Variants in SYNE2 observed in about 807,000 individuals in gnomAD.
SYNE2 encodes the protein spectrin repeat containing nuclear envelope protein 2.
In SYNE2, 431 loss-of-function variants were observed where a neutral mutation model predicts 856.3. That is an observed-to-expected ratio of 0.50 (90% CI 0.47 to 0.55). SYNE2 has a LOEUF of 0.55. SYNE2 is among the 20% of genes least tolerant of loss of function. The probability of loss-of-function intolerance (pLI) is 0.00; values close to 1 mark genes in which losing one functional copy is unlikely to be tolerated. For missense variants in SYNE2, 8,129 were observed against 8,023.2 expected (o/e 1.01, Z -0.50); for synonymous variants, 2,923 against 2,872.3 (o/e 1.02, Z -0.56).
At chr14:64,004,236 A>G (rs570892160) in intron 30 of SYNE2, among the ~76,000 whole-genome samples, 1 of 139,570 alleles carries the variant, frequency 7.2e-6, no homozygotes, top group South Asian at 2.3e-4. Flanking sequence ...GGTTTTCACC[A>G]TATTGGCCAG....
chr14:63,964,541 C>T (rs933890493), intron 10 of SYNE2, among the ~76,000 whole-genome samples: 5 of 151,020 alleles, frequency 3.3e-5, no homozygotes, highest in Admixed American at 1.3e-4. Context: ...TTTTATTTTT[C>T]GAGACGGAGT....
chr14:64,210,522 G>A (rs891472540), intron 103 of SYNE2, among the ~76,000 whole-genome samples: 4 of 152,184 alleles, frequency 2.6e-5, no homozygotes, highest in Admixed American at 6.5e-5. Flanking sequence ...CCCAGCTCTC[G>A]CACTGAGGAG....
rs1375384316 is a variant in SYNE2 at position 64,132,275 on chromosome 14, A to G, written c.14351A>G (p.Gln4784Arg). 1.2e-6 allele frequency: 2 copies of G among 1,613,464 alleles called. No individual in the cohort carries two copies. The highest frequency in any genetic ancestry group is 1.1e-5 in the South Asian group (1 of 91,032). Residue 4784 changes from glutamine (Q) to arginine (R), a missense_variant, in exon 77 of 116, where the codon CAG becomes CGG. Transcript: ENST00000555002. ...TTCTCCATCTCATAGGTTTTTTTCC[A>G]GAAGCTTGTTGCTGACATGTTGTTG... is the stretch of plus-strand genomic sequence containing the variant. ...AQIENHKVFF[Q>R]KLVADMLLIQ...
intron 97 of SYNE2, 147 bp downstream of exon 97, chr14:64,186,726 G>GCAGCAA: frequency 1.0e-6 from 1 of 1,002,652 alleles, no homozygotes; most frequent in Non-Finnish European, 1.5e-6. Flanking sequence ...CCTTTAGAAG[G>GCAGCAA]CAGCAACAGG....
intron 1 of SYNE2, among the ~76,000 whole-genome samples, chr14:63,770,651 G>A (rs1886865959): frequency 1.3e-5 from 2 of 151,936 alleles, no homozygotes; most frequent in African/African-American, 4.8e-5. Flanking sequence ...ATAAAGAAAA[G>A]GGGTGGCACA....
Position 64,002,764 on chromosome 14 carries a change from C to G in SYNE2, c.3831C>G (p.Arg1277=), listed in dbSNP as rs1269799934. ...CAAAACAGATTGAAATATGTAACCG[C>G]TTAGAAGAGCCAGGCAACTTTGTAT... The part of the protein sequence containing the change: ...SIAKQIEICN[R]LEEPGNFVLK... Residue 1277 remains arginine (R), a synonymous_variant, in exon 30 of 116, where the codon CGC becomes CGG. Coordinates refer to ENST00000555002, the MANE Select transcript of SYNE2 (RefSeq NM_182914.3). 1 of 1,613,620 alleles carries G rather than the reference C, an allele frequency of 6.2e-7. No homozygotes were observed. The highest frequency in any genetic ancestry group is 8.5e-7 in the Non-Finnish European group (1 of 1,179,992).
rs2097717823 is a variant in SYNE2, at chr14:64,100,534, ATATATATATATATATATATAT to A, written c.12382-1397_12382-1377del. On this transcript the variant is annotated intron_variant, in intron 63 of 115. Transcript: ENST00000555002. ...TGTCTCAAAAAAAAAAAAAAAAAAT[ATATATATATATATATATATAT>A]ATATATATATATATATTTATGACAT... Among the ~76,000 whole-genome samples, 90 of 46,612 alleles carry A rather than the reference ATATATATATATATATATATAT, an allele frequency of 1.9e-3. 1 individual carries two copies. The highest frequency in any genetic ancestry group is 2.7e-3 in the Non-Finnish European group (75 of 28,084). 30.6% of individuals were successfully genotyped at this position (46,612 alleles called of 152,430 possible). A position where few individuals can be genotyped will look rare whatever the true frequency, so the allele number is the denominator to read the frequency against.
chr14:63,922,930 T>G (rs899674789), intron 2 of SYNE2, among the ~76,000 whole-genome samples: 3 of 152,236 alleles, frequency 2.0e-5, no homozygotes, highest in African/African-American at 7.2e-5. Context: ...CTCTGTTTAG[T>G]GCAGTCTGGT....
At chr14:64,070,296 A>G (rs1445281047) in intron 51 of SYNE2, among the ~76,000 whole-genome samples, 1 of 152,196 alleles carries the variant, frequency 6.6e-6, no homozygotes, top group African/African-American at 2.4e-5. Context: ...AACCTCTTAT[A>G]CTTAGTGAAA....
chr14:64,176,358 T>C (rs910041420), intron 95 of SYNE2, among the ~76,000 whole-genome samples: 1 of 152,220 alleles, frequency 6.6e-6, no homozygotes, highest in Non-Finnish European at 1.5e-5. Flanking sequence ...ATTTTAAATA[T>C]GATAATACTT....
At chr14:64,023,108 T>G (rs2096949629) in intron 38 of SYNE2, 1 of 448,026 alleles carries the variant, frequency 2.2e-6, no homozygotes, top group African/African-American at 2.0e-5. Context: ...AATACAAAAA[T>G]TAGCTGGGTG....
At chr14:63,948,027 G>C (rs940415610) in intron 6 of SYNE2, among the ~76,000 whole-genome samples, 1 of 152,108 alleles carries the variant, frequency 6.6e-6, no homozygotes, top group African/African-American at 2.4e-5. Context: ...CTTGATATCC[G>C]ACAGTGTAAG....
chr14:63,944,886 G>T (rs1457108530), intron 6 of SYNE2, among the ~76,000 whole-genome samples: 1 of 132,410 alleles, frequency 7.6e-6, no homozygotes, highest in Non-Finnish European at 1.5e-5. Flanking sequence ...GTGCAGTGGC[G>T]TGATTTTGGC....
chr14:64,029,847 ACAAT>A (rs1439434338), intron 43 of SYNE2, 44 bp from the exon 44 acceptor site: 1 of 1,579,536 alleles, frequency 6.3e-7, no homozygotes, highest in Non-Finnish European at 8.6e-7. Flanking sequence ...GTGAGTGAAA[ACAAT>A]CAGAGAGAAA....
chr14:64,160,112 G>A (rs1567502500), intron 87 of SYNE2, among the ~76,000 whole-genome samples: 1 of 152,138 alleles, frequency 6.6e-6, no homozygotes, highest in East Asian at 1.9e-4. Context: ...AATGAACAAG[G>A]GACCCCAAAT....
At chr14:64,197,440 G>A (rs2098545419) in intron 99 of SYNE2, among the ~76,000 whole-genome samples, 1 of 152,174 alleles carries the variant, frequency 6.6e-6, no homozygotes, top group Non-Finnish European at 1.5e-5. Context: ...TCAGGATCTT[G>A]GAGTAATGCA....
chr14:64,018,064 C>T (rs1034402430), intron 34 of SYNE2, among the ~76,000 whole-genome samples: 1 of 151,958 alleles, frequency 6.6e-6, no homozygotes, highest in South Asian at 2.1e-4. Context: ...GTAATTCTAC[C>T]TTATTTAGTT....
chr14:63,850,982 T>A (rs1450132257), upstream of SYNE2, among the ~76,000 whole-genome samples: 1 of 152,108 alleles, frequency 6.6e-6, no homozygotes, highest in Admixed American at 6.5e-5. Context: ...TGTATACAGC[T>A]CCACAAATCC....
At chr14:64,016,902 A>G (rs1425747390) in intron 33 of SYNE2, among the ~76,000 whole-genome samples, 1 of 152,146 alleles carries the variant, frequency 6.6e-6, no homozygotes, top group Admixed American at 6.5e-5. Flanking sequence ...TTAACTACAT[A>G]TTTAATATAA....
Sources: gnomAD v4.1 joint callset for allele counts (sites outside exome capture counted in the v4.1 genomes callset) on GRCh38, gnomAD v4.1.1 for gene constraint, MANE v1.5 for transcripts, NCBI Gene and HGNC (gene_info 2026-07-23, HGNC 2026-07-21) for gene names.